Variants in MTFR1 observed in about 807,000 individuals in gnomAD.
MTFR1 encodes chondrocyte protein with a poly-proline region.
Under a neutral mutation model 38.8 loss-of-function variants are expected in MTFR1, and 28 were observed. The observed-to-expected ratio is 0.72, with a 90% CI of 0.53 to 0.99. The LOEUF is 0.99. Ranked by LOEUF, MTFR1 falls within the 50% of genes least tolerant of loss-of-function variation. The pLI is 0.00. For synonymous variants in MTFR1, 145 were observed against 137.0 expected (o/e 1.06, Z -0.41); for missense variants, 358 against 395.5 (o/e 0.91, Z 0.81).
intron 3 of MTFR1, chr8:65,682,885 C>T: frequency 1.0e-6 from 1 of 985,342 alleles, no homozygotes; most frequent in Non-Finnish European, 1.2e-6. Flanking sequence ...TCATTGGTTT[C>T]AAGATCAGCA....
intron 3 of MTFR1, among the ~76,000 whole-genome samples, chr8:65,740,782 C>T (rs1197476160): frequency 6.6e-6 from 1 of 152,118 alleles, no homozygotes; most frequent in African/African-American, 2.4e-5. Flanking sequence ...ACTATCCCCA[C>T]CCCACCCCAC....
intron 1 of MTFR1, among the ~76,000 whole-genome samples, chr8:65,646,672 A>T (rs1453695292): frequency 6.6e-6 from 1 of 152,220 alleles, no homozygotes; most frequent in Non-Finnish European, 1.5e-5. Context: ...TGGGCAATAT[A>T]GTGTGACACT....
chr8:65,687,347 CTT>C (rs71247404), intron 3 of MTFR1, among the ~76,000 whole-genome samples: 2,019 of 115,336 alleles, frequency 0.018, 34 homozygotes, highest in African/African-American at 0.048. Context: ...TTAAAGAATA[CTT>C]TTTTTTTTTT....
downstream of MTFR1, among the ~76,000 whole-genome samples, chr8:65,775,959 A>G (rs1809249318): frequency 6.6e-6 from 1 of 152,040 alleles, no homozygotes; most frequent in South Asian, 2.1e-4. Context: ...AAAGTCTCTA[A>G]AAGAGTTGTT....
At chr8:65,662,008 CCTCTCT>C (rs1201162054) in intron 1 of MTFR1, among the ~76,000 whole-genome samples, 6 of 143,758 alleles carry the variant, frequency 4.2e-5, no homozygotes, top group Non-Finnish European at 9.2e-5. Context: ...TCTCCCTCTC[CCTCTCT>C]CTCTCCCTCT....
rs1015727774 is a variant in MTFR1, at chr8:65,645,705, C to CCCG, written c.-81+922_-81+923insCGC. On this transcript the variant is annotated intron_variant, in intron 1 of 7. Coordinates refer to ENST00000262146, the MANE Select transcript of MTFR1 (RefSeq NM_014637.4). ...CACGCCCGGCTTTCCCCCCCCCCCC[C>CCCG]CTTTGTAGAGATGGGGTCTCCTTAT... Among the ~76,000 whole-genome samples, 1,135 of 114,248 alleles carry CCCG rather than the reference C, an allele frequency of 9.9e-3. 121 individuals carry two copies. In the East Asian group the frequency reaches 0.16, roughly 17 times the overall value. 75.0% of individuals were successfully genotyped at this position (114,248 alleles called of 152,430 possible).
rs117918014 is a variant in MTFR1, at chr8:65,721,336, G to C, written c.*48+1855G>C. On this transcript the variant is annotated intron_variant, in intron 3 of 3. Coordinates refer to the MTFR1 transcript ENST00000521247. ...AAACTGTATTAGTTCAACATGACTT[G>C]TACATACTGCCCCTATGTTGGGGAG... 9.2e-3 allele frequency among the ~76,000 whole-genome samples: 1,403 copies of C among 152,310 alleles called. 15 individuals are homozygous for C. Among genetic ancestry groups the C allele is most frequent in the Non-Finnish European group, 0.014 (971 of 68,032 alleles).
At chr8:65,647,211 G>A (rs145404983) in intron 1 of MTFR1, among the ~76,000 whole-genome samples, 119 of 152,342 alleles carry the variant, frequency 7.8e-4, no homozygotes, top group African/African-American at 2.7e-3. Flanking sequence ...GGAAATAGAC[G>A]TGGGGAACTG....
downstream of MTFR1, among the ~76,000 whole-genome samples, chr8:65,712,582 AAT>A (rs1491271129): frequency 1.3e-5 from 2 of 152,246 alleles, no homozygotes; most frequent in African/African-American, 2.4e-5. Flanking sequence ...ACCATATATC[AAT>A]AGTTAATTTT....
At chr8:65,746,048 A>G (rs992612429) in intron 3 of MTFR1, among the ~76,000 whole-genome samples, 26 of 151,860 alleles carry the variant, frequency 1.7e-4, no homozygotes, top group Middle Eastern at 3.2e-3. Context: ...CTCCTGTCTC[A>G]GCCTCCCGAG....
intron 1 of MTFR1, among the ~76,000 whole-genome samples, chr8:65,662,296 C>G (rs1054499240): frequency 3.9e-5 from 6 of 152,092 alleles, no homozygotes; most frequent in African/African-American, 9.7e-5. Flanking sequence ...GACGGGATTT[C>G]GCTGTGTTGG....
chr8:65,659,012 A>C (rs1299457898), intron 1 of MTFR1, among the ~76,000 whole-genome samples: 1 of 152,276 alleles, frequency 6.6e-6, no homozygotes, highest in Middle Eastern at 3.4e-3. Context: ...GAAGTAAGCC[A>C]GGGGAGTTCA....
At chr8:65,676,977 C>A (rs927908804) in intron 2 of MTFR1, among the ~76,000 whole-genome samples, 1 of 151,172 alleles carries the variant, frequency 6.6e-6, no homozygotes, top group Admixed American at 6.6e-5. Context: ...CATGCATGTG[C>A]GCGCACACAC....
downstream of MTFR1, among the ~76,000 whole-genome samples, chr8:65,775,130 C>G (rs768550674): frequency 1.8e-4 from 28 of 152,266 alleles, no homozygotes; most frequent in Admixed American, 5.9e-4. Flanking sequence ...TTCTCTTTAT[C>G]TGTGGTGTTT....
At chr8:65,725,250 C>T in intron 3 of MTFR1, 1 of 168,292 alleles carries the variant, frequency 5.9e-6, no homozygotes, top group African/African-American at 2.4e-5. Flanking sequence ...GAGAAAGTTC[C>T]TTGCTGGGAT....
chr8:65,656,382 T>G (rs13275737), intron 1 of MTFR1, among the ~76,000 whole-genome samples: 132,579 of 151,856 alleles, frequency 0.87, 58,306 homozygotes, highest in African/African-American at 0.96. Flanking sequence ...TGTCCAGGCT[T>G]GTGTATAATG....
At chr8:65,719,972 C>T (rs993957441) in intron 3 of MTFR1, among the ~76,000 whole-genome samples, 5 of 152,196 alleles carry the variant, frequency 3.3e-5, no homozygotes, top group African/African-American at 9.7e-5. Flanking sequence ...ATCTTCATGC[C>T]TGGTCATGAC....
chr8:65,739,904 A>C (rs1193126133), intron 3 of MTFR1, among the ~76,000 whole-genome samples: 1 of 152,188 alleles, frequency 6.6e-6, no homozygotes, highest in Non-Finnish European at 1.5e-5. Flanking sequence ...GAAAACTTTA[A>C]AAATTGTCCC....
chr8:65,682,371 C>A lies in MTFR1; in HGVS notation c.85C>A (p.Pro29Thr), dbSNP rs764139388. 1 of 1,567,816 alleles carries A rather than the reference C, an allele frequency of 6.4e-7. No homozygotes were observed. Among genetic ancestry groups the A allele is most frequent in the Non-Finnish European group, 8.6e-7 (1 of 1,156,190 alleles). ...SMQSVLWSRK[P>T]YGSSRSIVRK... is the part of the protein sequence containing the mutation. ...TCCTCAGGTACTTTGGTCTAGGAAG[C>A]CATATGGTTCGTCTCGAAGTATCGT... Residue 29 changes from proline to threonine, a missense_variant, in exon 3 of 8, where the codon CCA (proline) becomes ACA (threonine). Pro to Thr is a conservative substitution (Grantham distance 38). Coordinates refer to ENST00000262146, the MANE Select transcript of MTFR1 (RefSeq NM_014637.4).
Sources: gnomAD v4.1 joint callset for allele counts (sites outside exome capture counted in the v4.1 genomes callset) on GRCh38, gnomAD v4.1.1 for gene constraint, MANE v1.5 for transcripts, NCBI Gene and HGNC (gene_info 2026-07-23, HGNC 2026-07-21) for gene names.